MYBL2: variants seen among roughly 807,000 people sequenced by gnomAD.
The protein encoded by MYBL2 is myb-related protein B.
MYBL2 carries 28 observed loss-of-function variants against 79.9 expected under a neutral mutation model. That is an observed-to-expected ratio of 0.35 (90% CI 0.26 to 0.48). MYBL2 has a LOEUF of 0.48. Ranked by LOEUF, MYBL2 falls within the 20% of genes least tolerant of loss-of-function variation. The pLI is 0.99. For missense variants in MYBL2, 735 were observed against 893.9 expected (o/e 0.82, Z 2.27); for synonymous variants, 378 against 361.2 (o/e 1.05, Z -0.53).
intron 4 of MYBL2, among the ~76,000 whole-genome samples, chr20:43,684,828 C>A (rs532846626): frequency 8.3e-5 from 8 of 96,556 alleles, no homozygotes; most frequent in Non-Finnish European, 1.6e-4. Context: ...CAGAGTGAGA[C>A]CCTGTCTCTT....
In MYBL2 at chr20:43,692,249, C is replaced by T; in HGVS notation, c.593C>T (p.Pro198Leu). 1 of 1,614,140 alleles carries T rather than the reference C, an allele frequency of 6.2e-7. No individual in the cohort carries two copies. Residue 198 changes from proline to leucine, a missense_variant, in exon 6 of 14, where the codon CCC (proline) becomes CTC (leucine). Pro to Leu is a moderately conservative substitution (Grantham distance 98). Coordinates refer to ENST00000217026, the MANE Select transcript of MYBL2 (RefSeq NM_002466.4). The stretch of plus-strand genomic sequence containing the variant: ...TTGAGCGAGTCCAAAGACTGCAAGC[C>T]CCCAGTGTACTTGCTGCTGGAGCTC... ...GFLSESKDCKPPVYLLLELED... is the reference protein window; with the variant it reads ...GFLSESKDCKLPVYLLLELED...
chr20:43,673,140 C>T (rs1986908034), intron 1 of MYBL2, among the ~76,000 whole-genome samples: 1 of 151,646 alleles, frequency 6.6e-6, no homozygotes, highest in Non-Finnish European at 1.5e-5. Flanking sequence ...GATGGGGTTT[C>T]ACTGTGTTTG....
intron 12 of MYBL2, among the ~76,000 whole-genome samples, chr20:43,714,859 G>C (rs1226383334): frequency 6.6e-6 from 1 of 152,224 alleles, no homozygotes; most frequent in Admixed American, 6.5e-5. Flanking sequence ...TCGATCTCTT[G>C]ACCTCGTGAT....
intron 6 of MYBL2, among the ~76,000 whole-genome samples, chr20:43,693,773 G>C (rs184188588): frequency 6.6e-6 from 1 of 152,262 alleles, no homozygotes; most frequent in East Asian, 1.9e-4. Context: ...AATTTGGGTA[G>C]GGCGTGGTGG....
At chr20:43,693,785 T>A (rs1243013730) in intron 6 of MYBL2, among the ~76,000 whole-genome samples, 2 of 152,076 alleles carry the variant, frequency 1.3e-5, no homozygotes, top group African/African-American at 4.8e-5. Flanking sequence ...GCGTGGTGGC[T>A]AACATCTGTA....
Position 43,702,506 on chromosome 20 carries a change from G to A in MYBL2, c.968G>A (p.Cys323Tyr), listed in dbSNP as rs1987694104. ...CCTGGACAGGACCCTGATGCTTGGTGTGACCTGAGTAAATTTGACCTCCCT... is the reference window on the plus strand; with the variant it reads ...CCTGGACAGGACCCTGATGCTTGGTATGACCTGAGTAAATTTGACCTCCCT... ...DLIESDPDAW[C>Y]DLSKFDLPEE... The change falls in exon 8 of 14, where the codon TGT becomes TAT. Residue 323 changes from cysteine (C) to tyrosine (Y), a missense_variant. Transcript: ENST00000217026. 1 of 1,604,848 alleles carries A rather than the reference G, an allele frequency of 6.2e-7. No homozygotes were observed. Among genetic ancestry groups the A allele is most frequent in the Non-Finnish European group, 8.5e-7 (1 of 1,172,440 alleles).
At position 43,711,578 on chromosome 20, in the gene MYBL2, G is replaced by T. The variant is rs936333299; in HGVS notation, c.1696G>T (p.Glu566Ter). 6.2e-7 allele frequency: 1 copy of T among 1,613,250 alleles called. No homozygotes were observed. Among genetic ancestry groups the T allele is most frequent in the South Asian group, 1.1e-5 (1 of 90,912 alleles). The change falls in exon 11 of 14, where the codon GAG becomes TAG. Residue 566 changes from glutamate to a stop codon, truncating the protein, a stop_gained. Transcript: ENST00000217026. LOFTEE classifies it high-confidence loss of function. ...ELIIEDDIRP[E>*]KQKRKPGLRR... ...CATCATCGAGGACGACATCAGGCCC[G>T]AGAAGCAGAAGAGGAAGCCTGGGGT...
chr20:43,715,039 C>A, intron 12 of MYBL2, 95 bp from the exon 13 acceptor site: 1 of 1,446,356 alleles, frequency 6.9e-7, no homozygotes, highest in Non-Finnish European at 9.6e-7. Flanking sequence ...GTCTCAGCAG[C>A]CAGGTGGTGG....
intron 9 of MYBL2, among the ~76,000 whole-genome samples, chr20:43,709,275 C>T (rs1383919054): frequency 6.6e-6 from 1 of 152,180 alleles, no homozygotes; most frequent in Non-Finnish European, 1.5e-5. Flanking sequence ...CTGGTAGCTT[C>T]CTTCAGAGCT....
chr20:43,696,297 G>C (rs1230180434), intron 6 of MYBL2, among the ~76,000 whole-genome samples: 2 of 151,808 alleles, frequency 1.3e-5, no homozygotes, highest in African/African-American at 4.8e-5. Flanking sequence ...CTGGAGTGCA[G>C]TGGTATGATC....
At chr20:43,707,704 A>G (rs938680410) in intron 9 of MYBL2, among the ~76,000 whole-genome samples, 1 of 151,940 alleles carries the variant, frequency 6.6e-6, no homozygotes, top group East Asian at 1.9e-4. Flanking sequence ...CTTTGTAGAG[A>G]GTCTCTTTAG....
intron 10 of MYBL2, among the ~76,000 whole-genome samples, 168 bp from the exon 11 acceptor site, chr20:43,711,320 C>A (rs1295158057): frequency 2.0e-5 from 3 of 152,340 alleles, no homozygotes; most frequent in African/African-American, 7.2e-5. Flanking sequence ...TTGTCCAAGG[C>A]AGCAGTTAGT....
At chr20:43,681,071 C>A (rs1987130084) in intron 2 of MYBL2, among the ~76,000 whole-genome samples, 1 of 152,146 alleles carries the variant, frequency 6.6e-6, no homozygotes, top group Admixed American at 6.6e-5. Flanking sequence ...TGGCTTCTTT[C>A]ACACATCATA....
At chr20:43,673,093 G>A (rs1406170957) in intron 1 of MYBL2, among the ~76,000 whole-genome samples, 1 of 151,760 alleles carries the variant, frequency 6.6e-6, no homozygotes, top group African/African-American at 2.4e-5. Flanking sequence ...ACAGGCATGC[G>A]CCACCGCACC....
In MYBL2 at chr20:43,709,992, T is replaced by C; in HGVS notation, c.1535T>C (p.Met512Thr). 1 of 1,609,150 alleles carries C rather than the reference T, an allele frequency of 6.2e-7. No individual in the cohort carries two copies. Among genetic ancestry groups the C allele is most frequent in the Admixed American group, 1.7e-5 (1 of 59,210 alleles). ...GTAACCCCAGATCAGAAGTACTCCA[T>C]GGACAACACTCCCCACACGCCAACC... The part of the protein sequence containing the change: ...AFVTPDQKYS[M>T]DNTPHTPTPF... Residue 512 changes from methionine (M) to threonine (T), a missense_variant, in exon 10 of 14, where the codon ATG (methionine) becomes ACG (threonine). By Grantham distance (81) the Met-to-Thr change is moderately conservative. Around this residue, in one of 5 missense-constraint regions of MYBL2, gnomAD observed 243 missense variants for 327.2 expected, o/e 0.74. Transcript: ENST00000217026.
At chr20:43,678,944 CCAGG>C (rs1987081648) in intron 2 of MYBL2, among the ~76,000 whole-genome samples, 1 of 151,426 alleles carries the variant, frequency 6.6e-6, no homozygotes, top group African/African-American at 2.4e-5. Context: ...GGGCGCTGTG[CCAGG>C]CAAGCAAGAG....
At chr20:43,708,643 T>C (rs1987841319) in intron 9 of MYBL2, among the ~76,000 whole-genome samples, 1 of 152,176 alleles carries the variant, frequency 6.6e-6, no homozygotes, top group Non-Finnish European at 1.5e-5. Flanking sequence ...CAGACTGTTC[T>C]TTAACTCCTG....
intron 4 of MYBL2, among the ~76,000 whole-genome samples, chr20:43,683,555 T>G (rs1987194959): frequency 7.1e-6 from 1 of 141,190 alleles, no homozygotes; most frequent in Admixed American, 6.8e-5. Context: ...CTAGGCATTT[T>G]TTTTTTTTTT....
At chr20:43,674,227 C>CA (rs920828209) in intron 2 of MYBL2, among the ~76,000 whole-genome samples, 1 of 109,470 alleles carries the variant, frequency 9.1e-6, no homozygotes, top group African/African-American at 3.1e-5. Context: ...CTGTAACTCC[C>CA]CCCACCCTTT....
Sources: gnomAD v4.1 joint callset for allele counts (sites outside exome capture counted in the v4.1 genomes callset) on GRCh38, gnomAD v4.1.1 for gene constraint, gnomAD v4.1.1 regional missense constraint, MANE v1.5 for transcripts, NCBI Gene and HGNC (gene_info 2026-07-23, HGNC 2026-07-21) for gene names.